Variants in GPHN observed in about 807,000 individuals in gnomAD.
GPHN encodes the protein gephyrin.
A neutral mutation model predicts 95.5 loss-of-function variants in GPHN; 17 were observed. That is an observed-to-expected ratio of 0.18 (90% CI 0.12 to 0.27). The LOEUF is 0.27. Ranked by LOEUF, GPHN falls within the 10% of genes least tolerant of loss-of-function variation. The pLI is 1.00. For missense variants in GPHN, 660 were observed against 978.1 expected (o/e 0.67, Z 4.34); for synonymous variants, 320 against 322.5 (o/e 0.99, Z 0.08).
At chr14:66,953,328 A>G (rs1372769067) in intron 8 of GPHN, among the ~76,000 whole-genome samples, 1 of 151,848 alleles carries the variant, frequency 6.6e-6, no homozygotes, top group Non-Finnish European at 1.5e-5. Flanking sequence ...TTTTAAGTTT[A>G]ATGAAGTCCA....
chr14:67,583,756 T>C, the GPHN span: 1 of 1,611,634 alleles, frequency 6.2e-7, no homozygotes, highest in South Asian at 1.1e-5. Flanking sequence ...ATATGGGGAC[T>C]TGGAGAAGCC....
chr14:66,629,113 A>G lies in GPHN; in HGVS notation c.65-51994A>G, dbSNP rs8016732. ...TATATATAAATATATATTTATATAC[A>G]TATATAAATATGTATATAAATATAT... On this transcript the variant is annotated intron_variant, in intron 1 of 22. Coordinates refer to ENST00000478722, the MANE Select transcript of GPHN (RefSeq NM_020806.5). Among the ~76,000 whole-genome samples the G allele has an allele frequency of 8.6e-4, 87 of 101,162 alleles. 3 individuals are homozygous for G. Among genetic ancestry groups the G allele is most frequent in the African/African-American group, 6.2e-3 (78 of 12,586 alleles). The allele number at this position is 101,162 out of a possible 152,430, so 66.4% of individuals were successfully genotyped here. A position where few individuals can be genotyped will look rare whatever the true frequency, so the allele number is the denominator to read the frequency against.
intron 1 of GPHN, among the ~76,000 whole-genome samples, chr14:66,572,369 A>G (rs1358387291): frequency 6.6e-6 from 1 of 152,160 alleles, no homozygotes; most frequent in Non-Finnish European, 1.5e-5. Context: ...GAATTTTTAC[A>G]ATTCATGATT....
intron 1 of GPHN, among the ~76,000 whole-genome samples, chr14:66,649,925 C>G (rs991389163): frequency 2.6e-5 from 4 of 152,098 alleles, no homozygotes; most frequent in Admixed American, 6.5e-5. Flanking sequence ...TTACCACTTT[C>G]ATCTGCTTCT....
chr14:67,354,372 T>C, the GPHN span, among the ~76,000 whole-genome samples: 2 of 152,214 alleles, frequency 1.3e-5, no homozygotes, highest in South Asian at 2.1e-4. Context: ...ACTGGAGGTA[T>C]ATTAAGGATT....
chr14:67,272,218 G>C, the GPHN span, among the ~76,000 whole-genome samples: 1 of 152,004 alleles, frequency 6.6e-6, no homozygotes, highest in Non-Finnish European at 1.5e-5. Flanking sequence ...CCTTTCATAG[G>C]ATGGACCCAA....
At chr14:67,286,195 G>A in the GPHN span, among the ~76,000 whole-genome samples, 5 of 152,246 alleles carry the variant, frequency 3.3e-5, no homozygotes, top group South Asian at 6.2e-4. Flanking sequence ...CCTCCATCCC[G>A]CCTTAGTACT....
the GPHN span, among the ~76,000 whole-genome samples, chr14:67,262,331 G>A: frequency 1.3e-5 from 2 of 152,090 alleles, no homozygotes; most frequent in Admixed American, 6.6e-5. Flanking sequence ...AAAATAGAAT[G>A]TATCTTCTCT....
the GPHN span, chr14:67,578,524 T>A: frequency 6.3e-7 from 1 of 1,593,722 alleles, no homozygotes; most frequent in Non-Finnish European, 8.6e-7. This position sits in a 1 kb window ranked among gnomAD's most constrained non-coding sequence, Gnocchi z 5.0. Flanking sequence ...GCTGTCTGTG[T>A]CCCTGGCAGT....
intron 2 of GPHN, among the ~76,000 whole-genome samples, chr14:66,684,705 A>T (rs1346331235): frequency 6.6e-6 from 1 of 151,956 alleles, no homozygotes; most frequent in African/African-American, 2.4e-5. Context: ...TGAGAAAGTT[A>T]TGAATCTCTA....
Position 67,100,873 on chromosome 14 carries a change from G to A in GPHN, c.1255G>A (p.Asp419Asn). 6.2e-7 allele frequency: 1 copy of A among 1,608,040 alleles called. No homozygotes were observed. The part of the protein sequence containing the change: ...YAVRAADGPG[D>N]RFIIGESQAG... ...TCTCACAGCTGCTGATGGCCCAGGA[G>A]ATCGTTTCATCATTGGGGAATCCCA... The change falls in exon 13 of 23, where the codon GAT becomes AAT. Residue 419 changes from aspartate (D) to asparagine (N), a missense_variant. Around this residue, in one of 6 missense-constraint regions of GPHN, gnomAD observed 257 missense variants for 376.2 expected, o/e 0.68. Coordinates refer to ENST00000478722, the MANE Select transcript of GPHN (RefSeq NM_020806.5).
the GPHN span, among the ~76,000 whole-genome samples, chr14:67,332,331 T>C: frequency 1.3e-5 from 2 of 152,204 alleles, no homozygotes; most frequent in Non-Finnish European, 2.9e-5. Context: ...GCAGATAGTA[T>C]AGGGCAAGGG....
At chr14:66,710,605 G>A (rs1351173175) in intron 2 of GPHN, among the ~76,000 whole-genome samples, 1 of 152,050 alleles carries the variant, frequency 6.6e-6, no homozygotes, top group Non-Finnish European at 1.5e-5. Flanking sequence ...TTGCCCTCAG[G>A]TAGAACATCT....
At chr14:67,037,600 CA>C (rs1049464737) in intron 10 of GPHN, among the ~76,000 whole-genome samples, 4 of 151,068 alleles carry the variant, frequency 2.6e-5, no homozygotes, top group South Asian at 2.1e-4. Context: ...AACTCAGCAA[CA>C]AAAAAAATCA....
the GPHN span, chr14:67,359,575 C>T: frequency 2.1e-5 from 31 of 1,486,104 alleles, no homozygotes; most frequent in Non-Finnish European, 2.8e-6. Flanking sequence ...AAACAAGGAC[C>T]CTCACTGTGG....
At chr14:67,548,177 C>T in the GPHN span, among the ~76,000 whole-genome samples, 1 of 152,200 alleles carries the variant, frequency 6.6e-6, no homozygotes, top group African/African-American at 2.4e-5. Context: ...TCTGAGAGGC[C>T]ACATAAATGG....
chr14:66,892,873 T>C (rs937098480), intron 5 of GPHN, among the ~76,000 whole-genome samples: 15 of 152,150 alleles, frequency 9.9e-5, no homozygotes, highest in Non-Finnish European at 1.5e-4. Context: ...TACTTAAAAT[T>C]AGTTAGAATG....
chr14:66,650,345 G>C lies in GPHN; in HGVS notation c.65-30762G>C, dbSNP rs369514530. On this transcript the variant is annotated intron_variant, in intron 1 of 22. Coordinates refer to ENST00000478722, the MANE Select transcript of GPHN (RefSeq NM_020806.5). ...TAAAGAACAGAAGCAATTACTAAAG[G>C]CCACTATTTCATCAAATGTGTCTCC... 1.3e-4 allele frequency among the ~76,000 whole-genome samples: 20 copies of C among 152,196 alleles called. 1 individual carries two copies. The highest frequency in any genetic ancestry group is 3.4e-4 in the African/African-American group (14 of 41,524).
At chr14:66,693,639 G>T (rs2067928910) in intron 2 of GPHN, among the ~76,000 whole-genome samples, 1 of 152,100 alleles carries the variant, frequency 6.6e-6, no homozygotes, top group Admixed American at 6.6e-5. Flanking sequence ...TAATTGGGTA[G>T]GTCTGCCCAC....
Sources: allele counts gnomAD v4.1 joint callset (sites outside exome capture counted in the v4.1 genomes callset), GRCh38; gene constraint gnomAD v4.1.1; regional missense constraint gnomAD v4.1.1; non-coding constraint Gnocchi (gnomAD v3.1); transcripts MANE v1.5; gene names NCBI Gene and HGNC (gene_info 2026-07-23, HGNC 2026-07-21).